Variants in ZNF563 observed in about 807,000 individuals in gnomAD.
The protein encoded by ZNF563 is zinc finger protein 563.
In ZNF563, 39 loss-of-function variants were observed where a neutral mutation model predicts 48.5. That is an observed-to-expected ratio of 0.80 (90% confidence interval 0.62 to 1.05). The LOEUF is 1.05. Among genes scored for constraint, ZNF563 ranks in the 50% least tolerant of loss-of-function variants. ZNF563 has a pLI of 0.00. For synonymous variants in ZNF563, 168 were observed against 187.9 expected (o/e 0.89, Z 0.87); for missense variants, 538 against 597.0 (o/e 0.90, Z 1.03).
the ZNF563 span, chr19:12,346,943 T>C: frequency 4.6e-5 from 7 of 152,152 alleles, no homozygotes; most frequent in African/African-American, 1.7e-4. Flanking sequence ...TGGGATAGGA[T>C]GGAATAGGTA....
chr19:12,328,028 C>T (rs1968835623), intron 1 of ZNF563, among the ~76,000 whole-genome samples: 1 of 152,220 alleles, frequency 6.6e-6, no homozygotes, highest in African/African-American at 2.4e-5. Context: ...AACGATATGG[C>T]TGAAATCAAT....
the ZNF563 span, among the ~76,000 whole-genome samples, chr19:12,339,361 C>G: frequency 6.7e-6 from 1 of 148,370 alleles, no homozygotes; most frequent in Non-Finnish European, 1.5e-5. Flanking sequence ...TTCACTGCAA[C>G]CTCCGCCTCC....
intron 1 of ZNF563, among the ~76,000 whole-genome samples, chr19:12,325,957 C>G (rs1379809523): frequency 1.3e-5 from 2 of 152,140 alleles, no homozygotes; most frequent in Non-Finnish European, 2.9e-5. Context: ...ATAGTTACAG[C>G]CTTCATCAAA....
At chr19:12,343,611 A>G in the ZNF563 span, among the ~76,000 whole-genome samples, 2 of 152,202 alleles carry the variant, frequency 1.3e-5, no homozygotes, top group African/African-American at 4.8e-5. Context: ...AGAAGAAACA[A>G]GTTCTAATTC....
intron 3 of ZNF563, among the ~76,000 whole-genome samples, chr19:12,320,905 C>A (rs893402764): frequency 7.9e-5 from 12 of 151,956 alleles, no homozygotes; most frequent in East Asian, 7.8e-4. Flanking sequence ...TTGGGGAGGC[C>A]AAGGCAGGCA....
chr19:12,333,416 C>T (rs1313076231), intron 1 of ZNF563, 64 bp downstream of exon 1: 3 of 1,582,766 alleles, frequency 1.9e-6, no homozygotes, highest in East Asian at 4.6e-5. Context: ...TTCGCCGCGG[C>T]CGGTTCTGGA....
chr19:12,325,428 C>T (rs988354604), intron 1 of ZNF563, among the ~76,000 whole-genome samples: 5 of 150,302 alleles, frequency 3.3e-5, no homozygotes, highest in Admixed American at 2.7e-4. Context: ...CGAGATTGTG[C>T]CACTGCACTC....
At chr19:12,333,802 TCA>T (rs1317816611), upstream of ZNF563, 3 of 452,572 alleles carry the variant, frequency 6.6e-6, no homozygotes, top group East Asian at 7.3e-5. Context: ...GAAGAAGCGA[TCA>T]CACAGTGCTG....
chr19:12,333,402 C>A (rs1249951387), intron 1 of ZNF563, 78 bp downstream of exon 1: 2 of 1,568,570 alleles, frequency 1.3e-6, no homozygotes, highest in East Asian at 2.3e-5. Flanking sequence ...GGGGGAGGCC[C>A]ACGTTCGCCG....
chr19:12,326,753 T>G (rs896791661), intron 1 of ZNF563, among the ~76,000 whole-genome samples: 1 of 152,182 alleles, frequency 6.6e-6, no homozygotes, highest in Non-Finnish European at 1.5e-5. Context: ...TATACCTGCC[T>G]TGCCAGTAAC....
At chr19:12,340,646 G>A in the ZNF563 span, among the ~76,000 whole-genome samples, 10 of 151,908 alleles carry the variant, frequency 6.6e-5, no homozygotes, top group East Asian at 1.9e-4. Flanking sequence ...GCGTGGTGGC[G>A]CAAGCCTGTA....
intron 1 of ZNF563, among the ~76,000 whole-genome samples, chr19:12,323,489 A>G (rs763229511): frequency 1.3e-5 from 2 of 152,234 alleles, no homozygotes; most frequent in African/African-American, 4.8e-5. Flanking sequence ...ATAAGATGGA[A>G]GAGACCCGAG....
chr19:12,319,101 G>A lies in ZNF563; in HGVS notation c.924C>T (p.Pro308=). The A allele has an allele frequency of 6.2e-7, 1 of 1,614,094 alleles. No homozygotes were observed. Among genetic ancestry groups the A allele is most frequent in the Non-Finnish European group, 8.5e-7 (1 of 1,180,016 alleles). Residue 308 remains proline, a synonymous_variant, in exon 4 of 4, where the codon CCC becomes CCT. Transcript: ENST00000293725. The stretch of plus-strand genomic sequence containing the variant: ...TTTTCCCGCATTGCTTACACTCATA[G>A]GGTTTCTCTGCACTGTGAGTGGTTT... ...RHETTHSAEK[P]YECKQCGKTF...
At chr19:12,346,621 C>T in the ZNF563 span, 1 of 152,176 alleles carries the variant, frequency 6.6e-6, no homozygotes, top group Non-Finnish European at 1.5e-5. Flanking sequence ...AAAGCAGGGA[C>T]TCACACAGAC....
chr19:12,327,918 C>T (rs138724630), intron 1 of ZNF563, among the ~76,000 whole-genome samples: 2 of 152,210 alleles, frequency 1.3e-5, no homozygotes, highest in Non-Finnish European at 2.9e-5. Context: ...TAAAAAATTA[C>T]AAAAACCACA....
Position 12,319,741 on chromosome 19 carries a change from C to T in ZNF563, c.284G>A (p.Ser95Asn), listed in dbSNP as rs1433745562. 1 of 1,614,176 alleles carries T rather than the reference C, an allele frequency of 6.2e-7. No individual in the cohort carries two copies. Among genetic ancestry groups the T allele is most frequent in the Non-Finnish European group, 8.5e-7 (1 of 1,180,044 alleles). The change falls in exon 4 of 4, where the codon AGC becomes AAC. Residue 95 changes from serine (S) to asparagine (N), a missense_variant. Ser to Asn is a conservative substitution (Grantham distance 46). Transcript: ENST00000293725. ...ACATGGATCTTCTCCAGGACAAATG[C>T]TGTTGTTCACAATACTATCTCGAAT... ...SLIRDSIVNNSICPGEDPCQS... is the reference protein window; with the variant it reads ...SLIRDSIVNNNICPGEDPCQS...
intron 1 of ZNF563, among the ~76,000 whole-genome samples, chr19:12,328,509 A>C (rs1968846272): frequency 6.6e-6 from 1 of 152,240 alleles, no homozygotes; most frequent in Non-Finnish European, 1.5e-5. Flanking sequence ...GCGGTGGCTC[A>C]TGCCTGTAAT....
the ZNF563 span, among the ~76,000 whole-genome samples, chr19:12,343,526 A>T: frequency 6.6e-6 from 1 of 152,196 alleles, no homozygotes; most frequent in Non-Finnish European, 1.5e-5. Flanking sequence ...TAGAGCAGAG[A>T]TAAATCAAAA....
chr19:12,325,210 G>A (rs1447206283), intron 1 of ZNF563, among the ~76,000 whole-genome samples: 4 of 152,164 alleles, frequency 2.6e-5, no homozygotes, highest in South Asian at 2.1e-4. Flanking sequence ...GGCCAGGCAC[G>A]GTGGCTCATG....
Sources: gnomAD v4.1 joint callset for allele counts (sites outside exome capture counted in the v4.1 genomes callset) on GRCh38, gnomAD v4.1.1 for gene constraint, MANE v1.5 for transcripts, NCBI Gene and HGNC (gene_info 2026-07-23, HGNC 2026-07-21) for gene names.